The following JPH3 variants were observed in gnomAD, a reference collection of about 807,000 sequenced individuals.
JPH3 encodes junctophilin 3, also known as junctophilin-3.
In JPH3, 11 loss-of-function variants were observed where a neutral mutation model predicts 59.6. The ratio of observed to expected loss-of-function variants is 0.18; its 90% CI spans 0.12 to 0.31. The LOEUF is 0.31. JPH3 is among the 10% of genes least tolerant of loss of function. The probability of loss-of-function intolerance (pLI) is 1.00; values close to 1 mark genes in which losing one functional copy is unlikely to be tolerated. For missense variants in JPH3, 1,202 were observed against 1,105.7 expected (o/e 1.09, Z -1.24); for synonymous variants, 673 against 483.6 (o/e 1.39, Z -5.14).
chr16:87,640,160 C>T (rs887825154), intron 1 of JPH3, among the ~76,000 whole-genome samples: 5 of 151,972 alleles, frequency 3.3e-5, no homozygotes, highest in African/African-American at 1.2e-4. Context: ...AACCCTGTCT[C>T]TACTAAAAAC....
At chr16:87,653,571 TA>T (rs1371232112) in intron 2 of JPH3, 3 of 152,210 alleles carry the variant, frequency 2.0e-5, no homozygotes, top group African/African-American at 7.2e-5. Context: ...TTTTAAAATT[TA>T]TTTCTCATTA....
chr16:87,696,692 GGT>G lies in JPH3; in HGVS notation c.*33_*34del, dbSNP rs2033874304. ...GTCGCGGTAGCAAAAATAGAGAAAG[GGT>G]AGAAAAAAGGGACATTAAAATTAAA... On this transcript the variant is annotated 3_prime_UTR_variant, in exon 5 of 5. Transcript: ENST00000284262. 1.3e-6 allele frequency: 2 copies of G among 1,568,288 alleles called. No homozygotes were observed. Among genetic ancestry groups the G allele is most frequent in the South Asian group, 2.2e-5 (2 of 90,064 alleles).
chr16:87,640,612 C>CT (rs2031916611), intron 1 of JPH3, among the ~76,000 whole-genome samples: 1 of 152,076 alleles, frequency 6.6e-6, no homozygotes, highest in Non-Finnish European at 1.5e-5. Context: ...AGCGTGGTCT[C>CT]TAACTCCTGA....
intron 1 of JPH3, among the ~76,000 whole-genome samples, chr16:87,618,550 T>C (rs1175837048): frequency 6.6e-6 from 1 of 152,200 alleles, no homozygotes; most frequent in Non-Finnish European, 1.5e-5. Flanking sequence ...AGACTGACAG[T>C]GTTCGGCACT....
Position 87,644,698 on chromosome 16 carries a change from G to T in JPH3, c.823G>T (p.Val275Phe). ...SLGEAEAELA[V>F]IEDDIDATTT... ...GGGCGAGGCTGAGGCCGAGCTGGCG[G>T]TCATCGAGGACGACATCGACGCCAC... Residue 275 changes from valine to phenylalanine, a missense_variant, in exon 2 of 5, where the codon GTC becomes TTC. Physicochemically the swap from Val to Phe is conservative, Grantham distance 50. Transcript: ENST00000284262. 6.2e-7 allele frequency: 1 copy of T among 1,612,250 alleles called. No homozygotes were observed. The highest frequency in any genetic ancestry group is 2.2e-5 in the East Asian group (1 of 44,832).
At chr16:87,626,323 C>A (rs1016390957) in intron 1 of JPH3, among the ~76,000 whole-genome samples, 1 of 152,178 alleles carries the variant, frequency 6.6e-6, no homozygotes, top group African/African-American at 2.4e-5. Context: ...GGGATTTGTA[C>A]CCTGGTGGCT....
chr16:87,607,249 C>T (rs993801908), intron 1 of JPH3, among the ~76,000 whole-genome samples: 1 of 152,194 alleles, frequency 6.6e-6, no homozygotes, highest in Non-Finnish European at 1.5e-5. Context: ...ATCTTTCCTT[C>T]GGGTGCTGTG....
intron 4 of JPH3, among the ~76,000 whole-genome samples, chr16:87,691,087 C>CCA (rs1555543743): frequency 1.9e-5 from 1 of 51,822 alleles, no homozygotes; most frequent in Middle Eastern, 8.8e-3. Context: ...TCACCCAGCA[C>CCA]CCCCCCCCCA....
At chr16:87,644,169 G>C (rs752273076) in intron 1 of JPH3, 89 bp from the exon 2 acceptor site, 435 of 1,348,590 alleles carry the variant, frequency 3.2e-4, no homozygotes, top group Non-Finnish European at 4.3e-4. Flanking sequence ...AGCTCAGACA[G>C]GACTGTGGCT....
chr16:87,646,376 T>A (rs183006437), intron 2 of JPH3, among the ~76,000 whole-genome samples: 4 of 152,352 alleles, frequency 2.6e-5, no homozygotes, highest in African/African-American at 9.6e-5. Context: ...AATTACTACC[T>A]GACACCGAGG....
intron 2 of JPH3, among the ~76,000 whole-genome samples, chr16:87,656,383 A>G (rs1295608918): frequency 6.6e-6 from 1 of 152,248 alleles, no homozygotes; most frequent in Non-Finnish European, 1.5e-5. Context: ...CAGAGTGGCC[A>G]GTCCATGGCA....
intron 2 of JPH3, among the ~76,000 whole-genome samples, chr16:87,678,761 G>T (rs1051545204): frequency 1.3e-5 from 2 of 152,210 alleles, no homozygotes; most frequent in Admixed American, 6.5e-5. Flanking sequence ...GAGTGCCCTC[G>T]TGAGGCAGAA....
At position 87,684,356 on chromosome 16, in the gene JPH3, G is replaced by A. The variant is rs995018538; in HGVS notation, c.1285+90G>A. The A allele has an allele frequency of 4.7e-5, 72 of 1,534,726 alleles. No individual in the cohort carries two copies. The Middle Eastern group carries it at 5.3e-4, about 11-fold the overall frequency. On this transcript the variant is annotated intron_variant, in intron 3 of 4. Transcript: ENST00000284262. ...TGGCAGCAGATGTGTCCTCCAGAGC[G>A]GGTAGGCTTAGATGGGCTCAGCCCC...
At chr16:87,668,622 G>A (rs921957525) in intron 2 of JPH3, among the ~76,000 whole-genome samples, 40 of 152,204 alleles carry the variant, frequency 2.6e-4, no homozygotes, top group Admixed American at 2.0e-3. Context: ...GCCAGGGCAC[G>A]GGTGGAGCTT....
chr16:87,603,342 G>A lies in JPH3; in HGVS notation c.196G>A (p.Ala66Thr), dbSNP rs1222618772. ...CGGCAACACGTACCAGGGCACCTGG[G>A]CGCAGGGCAAGCGCCACGGCATCGG... Reference protein sequence around the residue: ...PSGNTYQGTWAQGKRHGIGLE... With the variant: ...PSGNTYQGTWTQGKRHGIGLE... Residue 66 changes from alanine to threonine, a missense_variant, in exon 1 of 5, where the codon GCG (alanine) becomes ACG (threonine). Transcript: ENST00000284262. 4.3e-6 allele frequency: 7 copies of A among 1,613,010 alleles called. No individual in the cohort carries two copies. Among genetic ancestry groups the A allele is most frequent in the South Asian group, 1.1e-5 (1 of 91,016 alleles).
intron 1 of JPH3, among the ~76,000 whole-genome samples, chr16:87,638,946 C>T (rs542963780): frequency 2.6e-5 from 4 of 152,240 alleles, no homozygotes; most frequent in East Asian, 1.9e-4. Flanking sequence ...GGGCCCAGGA[C>T]GGAGGGTAGC....
chr16:87,658,109 A>G (rs977558901), intron 2 of JPH3, among the ~76,000 whole-genome samples: 5 of 152,184 alleles, frequency 3.3e-5, no homozygotes, highest in Non-Finnish European at 7.3e-5. Flanking sequence ...TTCAGTGTGA[A>G]GACACCACCT....
At chr16:87,684,323 G>C (rs1055970701) in intron 3 of JPH3, 57 bp downstream of exon 3, 2 of 1,589,444 alleles carry the variant, frequency 1.3e-6, no homozygotes, top group Non-Finnish European at 1.7e-6. Flanking sequence ...TGGATGGCTG[G>C]GCAGTCCTGG....
chr16:87,677,095 C>T lies in JPH3; in HGVS notation c.1161-7047C>T, dbSNP rs1013136717. ...AATGGCGTGAACCCGGGAGGTGGAG[C>T]TTACAGTGAGCTGAGATCGTGCCAC... is the stretch of plus-strand genomic sequence containing the variant. On this transcript the variant is annotated intron_variant, in intron 2 of 4. Transcript: ENST00000284262. 1.6e-4 allele frequency among the ~76,000 whole-genome samples: 24 copies of T among 150,152 alleles called. 1 individual carries two copies. Among genetic ancestry groups the T allele is most frequent in the African/African-American group, 5.7e-4 (23 of 40,362 alleles).
Sources: allele counts gnomAD v4.1 joint callset (sites outside exome capture counted in the v4.1 genomes callset), GRCh38; gene constraint gnomAD v4.1.1; transcripts MANE v1.5; gene names NCBI Gene and HGNC (gene_info 2026-07-23, HGNC 2026-07-21).